The following LRRTM4 variants were observed in gnomAD, a reference collection of about 807,000 sequenced individuals.
The protein encoded by LRRTM4 is leucine rich repeat transmembrane neuronal 4.
In LRRTM4, 25 loss-of-function variants were observed where a neutral mutation model predicts 47.6. The ratio of observed to expected loss-of-function variants is 0.53; its 90% CI spans 0.38 to 0.73. The LOEUF (loss-of-function observed/expected upper bound fraction) is 0.73, where lower values mean the gene tolerates loss of function less well. Ranked by LOEUF, LRRTM4 falls within the 30% of genes least tolerant of loss-of-function variation. The probability of loss-of-function intolerance (pLI) is 0.00; values close to 1 mark genes in which losing one functional copy is unlikely to be tolerated. For synonymous variants in LRRTM4, 311 were observed against 269.5 expected, an observed-to-expected ratio of 1.15 and a Z score of -1.51; for missense variants, 638 against 713.4, an observed-to-expected ratio of 0.89 and a Z score of 1.20.
chr2:77,109,518 A>G (rs1671189750), intron 3 of LRRTM4, among the ~76,000 whole-genome samples: 1 of 152,186 alleles, frequency 6.6e-6, no homozygotes, highest in South Asian at 2.1e-4. Flanking sequence ...TCATTCCTAT[A>G]AAGAACAAAG....
At chr2:77,378,733 A>C (rs1237082706) in intron 3 of LRRTM4, among the ~76,000 whole-genome samples, 1 of 152,126 alleles carries the variant, frequency 6.6e-6, no homozygotes, top group Admixed American at 6.6e-5. Flanking sequence ...GCCCATGGCT[A>C]GATATGTAAG....
chr2:77,377,876 A>T (rs1252429047), intron 3 of LRRTM4, among the ~76,000 whole-genome samples: 1 of 151,974 alleles, frequency 6.6e-6, no homozygotes, highest in East Asian at 1.9e-4. Context: ...ATGCAAACAC[A>T]TTATTTTGTC....
Position 76,747,819 on chromosome 2 carries a change from A to G in LRRTM4, c.*876T>C, listed in dbSNP as rs1672698654. The G allele has an allele frequency of 6.6e-6, 1 of 152,260 alleles. No individual in the cohort carries two copies. Among genetic ancestry groups the G allele is most frequent in the Admixed American group, 6.5e-5 (1 of 15,286 alleles). 9.4% of individuals were successfully genotyped at this position (152,260 alleles called of 1,614,324 possible). On this transcript the variant is annotated 3_prime_UTR_variant, in exon 4 of 4. Coordinates refer to ENST00000409884, the MANE Select transcript of LRRTM4 (RefSeq NM_001134745.3). ...CAATGTTACACATTATCTTGTGTTTAGAAATTTGTCAGCTTGGCAGTTTCA... is the reference window on the plus strand; with the variant it reads ...CAATGTTACACATTATCTTGTGTTTGGAAATTTGTCAGCTTGGCAGTTTCA...
rs139325993 is a variant in LRRTM4, at chr2:77,161,157, T to TC, written c.1551+357160dup. ...AGTTAAACGATAACCCAGCATTTTT[T>TC]CCCATCTTGCTTGCCATAGTAACCA... On this transcript the variant is annotated intron_variant, in intron 3 of 3. Transcript: ENST00000409884. Among the ~76,000 whole-genome samples, 967 of 152,264 alleles carry TC rather than the reference T, an allele frequency of 6.4e-3. 1 individual carries two copies. The highest frequency in any genetic ancestry group is 0.01 in the Non-Finnish European group (708 of 68,018).
At chr2:77,517,997 T>C in intron 3 of LRRTM4, 2 of 1,057,724 alleles carry the variant, frequency 1.9e-6, no homozygotes, top group Non-Finnish European at 2.3e-6. Flanking sequence ...AATTTCAGAA[T>C]GAAAAGAGTT....
intron 3 of LRRTM4, among the ~76,000 whole-genome samples, chr2:77,035,009 T>C (rs1678785585): frequency 6.6e-6 from 1 of 151,872 alleles, no homozygotes; most frequent in African/African-American, 2.4e-5. Context: ...TCTCCAAATG[T>C]GATTAACTAG....
At chr2:77,046,328 A>G (rs1453492756) in intron 3 of LRRTM4, among the ~76,000 whole-genome samples, 2 of 151,972 alleles carry the variant, frequency 1.3e-5, no homozygotes, top group African/African-American at 4.8e-5. Flanking sequence ...TCTGGGAACA[A>G]TTTTTAACAC....
chr2:77,387,969 T>C (rs1238798575), intron 3 of LRRTM4, among the ~76,000 whole-genome samples: 1 of 152,086 alleles, frequency 6.6e-6, no homozygotes, highest in African/African-American at 2.4e-5. Flanking sequence ...TATTTACACA[T>C]GACGGGATAA....
chr2:77,400,412 G>C (rs1673904238), intron 3 of LRRTM4, among the ~76,000 whole-genome samples: 1 of 151,650 alleles, frequency 6.6e-6, no homozygotes, highest in Non-Finnish European at 1.5e-5. Flanking sequence ...TCATATATCA[G>C]CTCGTGTAAG....
intron 3 of LRRTM4, among the ~76,000 whole-genome samples, chr2:77,491,542 G>A (rs934097466): frequency 1.3e-5 from 2 of 151,718 alleles, no homozygotes; most frequent in Admixed American, 6.6e-5. Context: ...GTCCTATCAC[G>A]TAGTAATACG....
chr2:77,521,467 C>T (rs914915448), intron 2 of LRRTM4, among the ~76,000 whole-genome samples: 27 of 145,012 alleles, frequency 1.9e-4, no homozygotes, highest in African/African-American at 6.5e-4. Context: ...TCGTGTTGTG[C>T]ATTTATAGAT....
At chr2:77,398,347 T>C (rs1673786266) in intron 3 of LRRTM4, among the ~76,000 whole-genome samples, 1 of 151,908 alleles carries the variant, frequency 6.6e-6, no homozygotes, top group Non-Finnish European at 1.5e-5. Context: ...TCAGAATATT[T>C]TGAATTTTAG....
intron 3 of LRRTM4, among the ~76,000 whole-genome samples, chr2:77,516,331 T>G (rs1679206947): frequency 6.6e-6 from 1 of 151,844 alleles, no homozygotes. Flanking sequence ...CTTGTTTCTG[T>G]CATGGTAATG....
At chr2:76,928,504 A>G (rs1674662863) in intron 3 of LRRTM4, among the ~76,000 whole-genome samples, 1 of 152,128 alleles carries the variant, frequency 6.6e-6, no homozygotes. Context: ...ATATAGAACA[A>G]TCAGTGGTGA....
At chr2:77,461,626 C>CTT (rs555900489) in intron 3 of LRRTM4, among the ~76,000 whole-genome samples, 2 of 151,776 alleles carry the variant, frequency 1.3e-5, no homozygotes, top group African/African-American at 4.8e-5. Flanking sequence ...AAATATCAAG[C>CTT]TTTTTTTTCA....
chr2:76,798,163 C>T (rs894277480), intron 3 of LRRTM4, among the ~76,000 whole-genome samples: 1 of 152,084 alleles, frequency 6.6e-6, no homozygotes, highest in African/African-American at 2.4e-5. Context: ...TTCAGCACCG[C>T]ACCACACCTA....
chr2:76,807,437 CGTATAT>C (rs375172177), intron 3 of LRRTM4, among the ~76,000 whole-genome samples: 1,147 of 34,180 alleles, frequency 0.034, 37 homozygotes, highest in African/African-American at 0.15. Context: ...TATATATATA[CGTATAT>C]ACATATATAT....
chr2:76,764,130 C>T (rs181790234), intron 3 of LRRTM4, among the ~76,000 whole-genome samples: 96 of 152,204 alleles, frequency 6.3e-4, no homozygotes, highest in African/African-American at 2.1e-3. Flanking sequence ...GCAAGTGAAT[C>T]CTGGATTCTC....
At chr2:77,153,895 T>C (rs1233770204) in intron 3 of LRRTM4, among the ~76,000 whole-genome samples, 4 of 152,218 alleles carry the variant, frequency 2.6e-5, no homozygotes, top group Admixed American at 1.3e-4. Flanking sequence ...AAGCTTATAC[T>C]GGTCCATAGT....
Sources: allele counts gnomAD v4.1 joint callset (sites outside exome capture counted in the v4.1 genomes callset), GRCh38; gene constraint gnomAD v4.1.1; transcripts MANE v1.5; gene names NCBI Gene and HGNC (gene_info 2026-07-23, HGNC 2026-07-21).